Variants in SORL1 observed in about 807,000 individuals in gnomAD.
SORL1 encodes sortilin related receptor 1, also known as sortilin-related receptor.
A neutral mutation model predicts 273.7 loss-of-function variants in SORL1; 127 were observed. The observed-to-expected ratio is 0.46, with a 90% CI of 0.40 to 0.54. The LOEUF is 0.54. Among genes scored for constraint, SORL1 ranks in the 20% least tolerant of loss-of-function variants. The pLI is 0.00. For synonymous variants in SORL1, 1,031 were observed against 1,067.4 expected (o/e 0.97, Z 0.66); for missense variants, 2,494 against 2,846.1 (o/e 0.88, Z 2.81).
At chr11:121,588,858 T>G (rs1863162904) in intron 28 of SORL1, among the ~76,000 whole-genome samples, 1 of 152,170 alleles carries the variant, frequency 6.6e-6, no homozygotes, top group African/African-American at 2.4e-5. Flanking sequence ...CGGTCTTTCC[T>G]CTGTACACAT....
At chr11:121,462,685 A>AGCGATCCTCCCACCTGT (rs1861019719) in intron 1 of SORL1, among the ~76,000 whole-genome samples, 1 of 152,138 alleles carries the variant, frequency 6.6e-6, no homozygotes, top group African/African-American at 2.4e-5. Context: ...CTTGGGCACA[A>AGCGATCCTCCCACCTGT]GCGATCCTCC....
At chr11:121,484,554 C>T (rs1327092646) in intron 3 of SORL1, among the ~76,000 whole-genome samples, 1 of 151,910 alleles carries the variant, frequency 6.6e-6, no homozygotes, top group Non-Finnish European at 1.5e-5. Context: ...AGTAGTGGGG[C>T]TGGGAGAAGG....
At chr11:121,467,886 A>G (rs996468200) in intron 1 of SORL1, among the ~76,000 whole-genome samples, 3 of 152,216 alleles carry the variant, frequency 2.0e-5, no homozygotes, top group African/African-American at 4.8e-5. Context: ...TTTTGGAAGG[A>G]CACATATTCC....
chr11:121,469,030 G>A (rs559908418), intron 1 of SORL1, among the ~76,000 whole-genome samples: 1 of 152,380 alleles, frequency 6.6e-6, no homozygotes, highest in Admixed American at 6.5e-5. Context: ...GTGTGGCTGA[G>A]TTGAGGCTCC....
chr11:121,566,991 C>T lies in SORL1; in HGVS notation c.3101C>T (p.Ala1034Val). 6.2e-7 allele frequency: 1 copy of T among 1,614,094 alleles called. No individual in the cohort carries two copies. The highest frequency in any genetic ancestry group is 1.7e-5 in the Admixed American group (1 of 60,012). Residue 1034 changes from alanine to valine, a missense_variant, in exon 22 of 48, where the codon GCC becomes GTC. Ala to Val is a moderately conservative substitution (Grantham distance 64). Around this residue, in one of 3 missense-constraint regions of SORL1, gnomAD observed 1,609 missense variants for 1,816.4 expected, o/e 0.89. Coordinates refer to ENST00000260197, the MANE Select transcript of SORL1 (RefSeq NM_003105.6). ...RPCSLLCLPK[A>V]NNSRSCRCPE... Reference sequence around the variant, plus strand: ...TGCAGCCTGCTGTGCCTGCCCAAGGCCAACAACAGTAGAAGCTGCAGGTGT... The same window carrying T: ...TGCAGCCTGCTGTGCCTGCCCAAGGTCAACAACAGTAGAAGCTGCAGGTGT...
chr11:121,469,940 T>A, intron 1 of SORL1, 67 bp from the exon 2 acceptor site: 1 of 1,053,242 alleles, frequency 9.5e-7, no homozygotes, highest in Non-Finnish European at 1.5e-6. Flanking sequence ...GAGGAAAGAG[T>A]CTTGATTTAG....
chr11:121,491,923 T>G (rs1861560635), intron 5 of SORL1, among the ~76,000 whole-genome samples: 1 of 152,224 alleles, frequency 6.6e-6, no homozygotes, highest in African/African-American at 2.4e-5. Context: ...GAACAGGATA[T>G]TTGCAATTGC....
intron 6 of SORL1, among the ~76,000 whole-genome samples, chr11:121,510,184 T>G (rs938954675): frequency 2.0e-5 from 3 of 152,236 alleles, no homozygotes; most frequent in African/African-American, 4.8e-5. Flanking sequence ...TAAGATACAC[T>G]GTTAATGGAA....
At chr11:121,621,452 C>T (rs1045994906) in intron 44 of SORL1, among the ~76,000 whole-genome samples, 2 of 152,098 alleles carry the variant, frequency 1.3e-5, no homozygotes, top group African/African-American at 4.8e-5. Context: ...GAGTGGCTAT[C>T]GTTTTCTTTA....
chr11:121,550,324 C>G lies in SORL1; in HGVS notation c.2180+236C>G, dbSNP rs1453555564. 6.6e-6 allele frequency among the ~76,000 whole-genome samples: 1 copy of G among 152,166 alleles called. No homozygotes were observed. Among genetic ancestry groups the G allele is most frequent in the South Asian group, 2.1e-4 (1 of 4,828 alleles). On this transcript the variant is annotated intron_variant, in intron 15 of 47. Transcript: ENST00000260197. The surrounding 1 kb of genome is among the most constrained non-coding windows in gnomAD (Gnocchi z 5.3). The stretch of plus-strand genomic sequence containing the variant: ...GAATATCTTAAGTCATCAACTTCAG[C>G]AGGGAAACATCTTCAGAGGAATGTA...
intron 32 of SORL1, 42 bp from the exon 33 acceptor site, chr11:121,604,151 C>T (rs775595386): frequency 1.2e-5 from 20 of 1,608,292 alleles, no homozygotes; most frequent in Admixed American, 6.7e-5. Context: ...TAGTACCATA[C>T]GGCCCCTCCC....
intron 47 of SORL1, 102 bp from the exon 48 acceptor site, chr11:121,629,394 C>A: frequency 1.4e-6 from 1 of 721,356 alleles, no homozygotes; most frequent in South Asian, 1.5e-5. Flanking sequence ...ACCTTCTCAG[C>A]TAGAGGGTTG....
At chr11:121,462,188 A>G (rs1446266031) in intron 1 of SORL1, among the ~76,000 whole-genome samples, 1 of 151,942 alleles carries the variant, frequency 6.6e-6, no homozygotes, top group Non-Finnish European at 1.5e-5. Flanking sequence ...AGGGATCCAC[A>G]GCTTTTTTGC....
chr11:121,500,503 A>G (rs1861694431), intron 6 of SORL1, among the ~76,000 whole-genome samples: 1 of 152,208 alleles, frequency 6.6e-6, no homozygotes, highest in Admixed American at 6.5e-5. Flanking sequence ...ACTGGGACAC[A>G]GCCATGCTCA....
chr11:121,603,387 A>G (rs1225913510), intron 32 of SORL1, among the ~76,000 whole-genome samples: 2 of 152,248 alleles, frequency 1.3e-5, no homozygotes, highest in African/African-American at 4.8e-5. Context: ...ACCCAGGTAC[A>G]CAGCCTGCAT....
At position 121,630,416 on chromosome 11, in the gene SORL1, C is replaced by G. The variant is rs1414780346; in HGVS notation, c.*853C>G. The G allele has an allele frequency of 6.6e-6, 1 of 152,146 alleles. No homozygotes were observed. Among genetic ancestry groups the G allele is most frequent in the Non-Finnish European group, 1.5e-5 (1 of 68,032 alleles). The allele number at this position is 152,146 out of a possible 1,614,324, so 9.4% of individuals were successfully genotyped here. A position where few individuals can be genotyped will look rare whatever the true frequency, so the allele number is the denominator to read the frequency against. ...TTTCATTGTCATTGCAAAAACTTAC[C>G]CTGGTTGTGGGGGAGAGTTCTAGAT... On this transcript the variant is annotated 3_prime_UTR_variant, in exon 48 of 48. Coordinates refer to ENST00000260197, the MANE Select transcript of SORL1 (RefSeq NM_003105.6).
At chr11:121,460,594 C>T (rs1164765702) in intron 1 of SORL1, among the ~76,000 whole-genome samples, 1 of 151,994 alleles carries the variant, frequency 6.6e-6, no homozygotes, top group African/African-American at 2.4e-5. Context: ...GATGAGGTTT[C>T]ACCATATTGG....
rs118004927 is a variant in SORL1 at position 121,592,017 on chromosome 11, A to G, written c.4369+861A>G. Reference sequence around the variant, plus strand: ...AGTTTCCTCTTGTTCTCCTGTCTAGAAGATCAATTTTTGACAATTTCTATT... The same window carrying G: ...AGTTTCCTCTTGTTCTCCTGTCTAGGAGATCAATTTTTGACAATTTCTATT... On this transcript the variant is annotated intron_variant, in intron 31 of 47. Transcript: ENST00000260197. Among the ~76,000 whole-genome samples the G allele has an allele frequency of 1.5e-3, 226 of 152,288 alleles. 2 individuals are homozygous for G. In the East Asian group the frequency reaches 0.038, roughly 25 times the overall value.
At chr11:121,499,254 G>C (rs1861676508) in intron 6 of SORL1, among the ~76,000 whole-genome samples, 2 of 152,162 alleles carry the variant, frequency 1.3e-5, no homozygotes, top group African/African-American at 4.8e-5. Flanking sequence ...CAAAATTGTA[G>C]TTATGAGCTG....
Sources: gnomAD v4.1 joint callset for allele counts (sites outside exome capture counted in the v4.1 genomes callset) on GRCh38, gnomAD v4.1.1 for gene constraint, gnomAD v4.1.1 regional missense constraint, Gnocchi (gnomAD v3.1) non-coding constraint, MANE v1.5 for transcripts, NCBI Gene and HGNC (gene_info 2026-07-23, HGNC 2026-07-21) for gene names.